CARM1: variants seen among roughly 807,000 people sequenced by gnomAD.
The protein encoded by CARM1 is coactivator associated arginine methyltransferase 1.
CARM1 carries 14 observed loss-of-function variants against 72.7 expected under a neutral mutation model. The ratio of observed to expected loss-of-function variants is 0.19; its 90% CI spans 0.13 to 0.30. The LOEUF is 0.30. Among genes scored for constraint, CARM1 ranks in the 10% least tolerant of loss-of-function variants. The pLI is 1.00. For synonymous variants in CARM1, 333 were observed against 345.5 expected (o/e 0.96, Z 0.40); for missense variants, 432 against 833.7 (o/e 0.52, Z 5.93).
At chr19:10,889,953 G>A (rs539636554) in intron 1 of CARM1, among the ~76,000 whole-genome samples, 4 of 152,168 alleles carry the variant, frequency 2.6e-5, no homozygotes, top group Non-Finnish European at 5.9e-5. Flanking sequence ...GGCCATAAAT[G>A]GCCTGAAAAG....
rs1263567454 is a variant in CARM1, at chr19:10,898,093, G to A, written c.221-6858G>A. Among the ~76,000 whole-genome samples the A allele has an allele frequency of 1.8e-4, 27 of 149,458 alleles. No individual in the cohort carries two copies. In the South Asian group the frequency reaches 5.1e-3, roughly 28 times the overall value. On this transcript the variant is annotated intron_variant, in intron 1 of 15. Coordinates refer to ENST00000327064, the MANE Select transcript of CARM1 (RefSeq NM_199141.2). ...ACTGCACTCCAGCCTGGGAGACAGC[G>A]AGACTCCGTCTCAAAAAAAAGAAAA...
chr19:10,898,229 C>G (rs917718011), intron 1 of CARM1, among the ~76,000 whole-genome samples: 1 of 152,108 alleles, frequency 6.6e-6, no homozygotes, highest in Admixed American at 6.5e-5. Flanking sequence ...ATCGCTGGAA[C>G]CTGGGAGATG....
rs887667679 is a variant in CARM1, at chr19:10,914,154, G to A, written c.847+100G>A. ...TTCAGCTCCCTGCTTACTGTCGGTG[G>A]CCCGGGGTGTAGGGAAGCCTGGGCT... On this transcript the variant is annotated intron_variant, in intron 6 of 15. Transcript: ENST00000327064. The A allele has an allele frequency of 8.1e-6, 10 of 1,227,430 alleles. No homozygotes were observed. In the African/African-American group the frequency reaches 1.4e-4, roughly 17 times the overall value. 76.0% of individuals were successfully genotyped at this position (1,227,430 alleles called of 1,614,324 possible).
chr19:10,921,759 G>T lies in CARM1; in HGVS notation c.*2G>T, dbSNP rs1451423773. On this transcript the variant is annotated 3_prime_UTR_variant, in exon 16 of 16. Coordinates refer to ENST00000327064, the MANE Select transcript of CARM1 (RefSeq NM_199141.2). ...AACACCATGCACTACGGGAGCTAGG[G>T]GCCCGCCCCGCGGACTGACAGCACC... 6.3e-7 allele frequency: 1 copy of T among 1,584,582 alleles called. No individual in the cohort carries two copies. The highest frequency in any genetic ancestry group is 1.1e-5 in the South Asian group (1 of 88,974).
chr19:10,884,013 G>GT (rs772915996), intron 1 of CARM1, among the ~76,000 whole-genome samples: 6,142 of 100,418 alleles, frequency 0.061, 268 homozygotes, highest in Middle Eastern at 0.12. Flanking sequence ...GCGAGACTCT[G>GT]TTTTTTTTTT....
intron 1 of CARM1, among the ~76,000 whole-genome samples, chr19:10,902,426 T>C (rs1316862372): frequency 1.3e-5 from 2 of 151,256 alleles, no homozygotes; most frequent in Non-Finnish European, 2.9e-5. Flanking sequence ...CCTGAGTAGC[T>C]GGGACTATAG....
Position 10,882,534 on chromosome 19 carries a change from CTTTTTTTTTTTT to C in CARM1, c.220+10626_220+10637del, listed in dbSNP as rs869046901. On this transcript the variant is annotated intron_variant, in intron 1 of 15. Transcript: ENST00000327064. The stretch of plus-strand genomic sequence containing the variant: ...CCCCCCAATCTCCAGTGCACTCTGT[CTTTTTTTTTTTT>C]TTTTTTTTTTTTTGAGACAGGGTCT... 2.2e-4 allele frequency among the ~76,000 whole-genome samples: 19 copies of C among 85,964 alleles called. No individual in the cohort carries two copies. In the South Asian group the frequency reaches 3.0e-3, roughly 13 times the overall value. The allele number at this position is 85,964 out of a possible 152,430, so 56.4% of individuals were successfully genotyped here.
intron 1 of CARM1, among the ~76,000 whole-genome samples, chr19:10,880,216 C>T (rs899581630): frequency 1.3e-5 from 2 of 152,334 alleles, no homozygotes; most frequent in East Asian, 3.9e-4. Flanking sequence ...TTTGCAAAGA[C>T]ATCCAGGGAA....
At position 10,880,839 on chromosome 19, in the gene CARM1, G is replaced by A. The variant is rs1036838964; in HGVS notation, c.220+8917G>A. Among the ~76,000 whole-genome samples, 3 of 147,942 alleles carry A rather than the reference G, an allele frequency of 2.0e-5. 1 individual carries two copies. The highest frequency in any genetic ancestry group is 8.0e-5 in the African/African-American group (3 of 37,410). On this transcript the variant is annotated intron_variant, in intron 1 of 15. Coordinates refer to ENST00000327064, the MANE Select transcript of CARM1 (RefSeq NM_199141.2). ...GGGTGACAGTGGCACCTCCCTGGAG[G>A]TTTTCGTGGAGGGGAGGAAACACAT...
chr19:10,875,431 CT>C (rs907426054), intron 1 of CARM1, among the ~76,000 whole-genome samples: 26 of 145,472 alleles, frequency 1.8e-4, no homozygotes, highest in South Asian at 2.2e-4. Flanking sequence ...CTTTTCTTTT[CT>C]TTTTTTTTTT....
Position 10,916,881 on chromosome 19 carries a change from C to G in CARM1, c.1020+104C>G, listed in dbSNP as rs1399575580. On this transcript the variant is annotated intron_variant, in intron 8 of 15. Transcript: ENST00000327064. This position sits in a 1 kb window ranked among gnomAD's most constrained non-coding sequence, Gnocchi z 4.4. Reference sequence around the variant, plus strand: ...GCCCCTCTCTGAGCCCTCTCCTCTGCCCTGCACAGCGCTCTCACAGAGATT... The same window carrying G: ...GCCCCTCTCTGAGCCCTCTCCTCTGGCCTGCACAGCGCTCTCACAGAGATT... 14 of 804,740 alleles carry G rather than the reference C, an allele frequency of 1.7e-5. No individual in the cohort carries two copies. The highest frequency in any genetic ancestry group is 2.8e-5 in the Non-Finnish European group (14 of 503,818). 49.8% of individuals were successfully genotyped at this position (804,740 alleles called of 1,614,324 possible). A position where few individuals can be genotyped will look rare whatever the true frequency, so the allele number is the denominator to read the frequency against.
intron 1 of CARM1, among the ~76,000 whole-genome samples, chr19:10,876,431 T>C (rs576792755): frequency 6.6e-6 from 1 of 152,326 alleles, no homozygotes; most frequent in Non-Finnish European, 1.5e-5. Context: ...GCTGCCCCGC[T>C]GTCTTGGCTC....
At chr19:10,921,282 G>A in intron 14 of CARM1, 93 bp from the exon 15 acceptor site, 1 of 1,505,862 alleles carries the variant, frequency 6.6e-7, no homozygotes, top group Admixed American at 1.8e-5. Flanking sequence ...CGTCCTCTCT[G>A]CCTCGCTCTG....
At position 10,912,074 on chromosome 19, in the gene CARM1, T is replaced by G; in HGVS notation, c.559-110T>G. On this transcript the variant is annotated intron_variant, in intron 4 of 15. Coordinates refer to ENST00000327064, the MANE Select transcript of CARM1 (RefSeq NM_199141.2). The surrounding 1 kb of genome is among the most constrained non-coding windows in gnomAD (Gnocchi z 4.5). Reference sequence around the variant, plus strand: ...ACCAAGAGCCCATAAAGGGCAAACATTGAGAGTGAAGACAGACGCCTCATG... The same window carrying G: ...ACCAAGAGCCCATAAAGGGCAAACAGTGAGAGTGAAGACAGACGCCTCATG... The G allele has an allele frequency of 1.2e-6, 1 of 827,432 alleles. No individual in the cohort carries two copies. Among genetic ancestry groups the G allele is most frequent in the Non-Finnish European group, 2.1e-6 (1 of 469,274 alleles). 51.3% of individuals were successfully genotyped at this position (827,432 alleles called of 1,614,324 possible). A position where few individuals can be genotyped will look rare whatever the true frequency, so the allele number is the denominator to read the frequency against.
At chr19:10,902,755 C>T (rs1483654991) in intron 1 of CARM1, among the ~76,000 whole-genome samples, 1 of 151,880 alleles carries the variant, frequency 6.6e-6, no homozygotes, top group Admixed American at 6.6e-5. Context: ...ACTACAGGCG[C>T]ATGCCACTAC....
chr19:10,884,209 C>T (rs1262741529), intron 1 of CARM1, among the ~76,000 whole-genome samples: 6 of 144,536 alleles, frequency 4.2e-5, no homozygotes, highest in South Asian at 2.2e-4. Context: ...GGCATGGTGG[C>T]GCATGCCTGT....
intron 1 of CARM1, among the ~76,000 whole-genome samples, chr19:10,873,564 G>A (rs1206924513): frequency 6.6e-6 from 1 of 150,822 alleles, no homozygotes; most frequent in Non-Finnish European, 1.5e-5. Context: ...ACTCCAGCCG[G>A]GGAGACAGAG....
At chr19:10,875,496 C>T (rs1453368194) in intron 1 of CARM1, among the ~76,000 whole-genome samples, 4 of 151,968 alleles carry the variant, frequency 2.6e-5, no homozygotes, top group Non-Finnish European at 4.4e-5. Context: ...GCGATCTCCG[C>T]TTACTGCAAG....
chr19:10,895,312 C>G (rs1366225847), intron 1 of CARM1, among the ~76,000 whole-genome samples: 1 of 152,160 alleles, frequency 6.6e-6, no homozygotes, highest in Non-Finnish European at 1.5e-5. Context: ...ACCATGTTGG[C>G]CGGACTAGTC....
Sources: allele counts gnomAD v4.1 joint callset (sites outside exome capture counted in the v4.1 genomes callset), GRCh38; gene constraint gnomAD v4.1.1; non-coding constraint Gnocchi (gnomAD v3.1); transcripts MANE v1.5; gene names NCBI Gene and HGNC (gene_info 2026-07-23, HGNC 2026-07-21).